CAP2: variants seen among roughly 807,000 people sequenced by gnomAD.
CAP2 encodes the protein cyclase associated actin cytoskeleton regulatory protein 2.
In CAP2, 24 loss-of-function variants were observed where a neutral mutation model predicts 57.7. The observed-to-expected ratio is 0.42, with a 90% CI of 0.30 to 0.58. The LOEUF is 0.58. Among genes scored for constraint, CAP2 ranks in the 20% least tolerant of loss-of-function variants. The pLI, the probability that CAP2 is intolerant of heterozygous loss-of-function variation, is 0.22. For synonymous variants in CAP2, 194 were observed against 207.2 expected (o/e 0.94, Z 0.55); for missense variants, 501 against 590.3 (o/e 0.85, Z 1.57).
At chr6:17,403,358 C>G (rs1758865333) in intron 1 of CAP2, among the ~76,000 whole-genome samples, 1 of 152,258 alleles carries the variant, frequency 6.6e-6, no homozygotes, top group Admixed American at 6.5e-5. Context: ...CTGCCTTGGC[C>G]TCCCAAAGTG....
At chr6:17,458,628 T>G (rs1334427532) in intron 3 of CAP2, among the ~76,000 whole-genome samples, 2 of 152,206 alleles carry the variant, frequency 1.3e-5, no homozygotes, top group Admixed American at 1.3e-4. Flanking sequence ...TTATCTGATA[T>G]TGACACGGGG....
At position 17,541,052 on chromosome 6, in the gene CAP2, C is replaced by T; in HGVS notation, c.906C>T (p.Pro302=). The change falls in exon 9 of 13, where the codon CCC becomes CCT. Residue 302 remains proline (P), a synonymous_variant. Transcript: ENST00000229922. ...CTCAAGGAGGGCAAACTCAATCTCC[C>T]ACCAAAAGTCACACTCCAAGTCCCA... The part of the protein sequence containing the change: ...LRAQGGQTQS[P]TKSHTPSPTS... The T allele has an allele frequency of 6.2e-7, 1 of 1,614,030 alleles. No homozygotes were observed. Among genetic ancestry groups the T allele is most frequent in the Non-Finnish European group, 8.5e-7 (1 of 1,179,914 alleles).
At chr6:17,430,619 A>G (rs1581511233) in intron 3 of CAP2, among the ~76,000 whole-genome samples, 1 of 151,430 alleles carries the variant, frequency 6.6e-6, no homozygotes, top group African/African-American at 2.4e-5. Context: ...GCTCACTGCA[A>G]CCTCCACCTC....
intron 3 of CAP2, among the ~76,000 whole-genome samples, chr6:17,461,872 A>G (rs1159319744): frequency 1.3e-5 from 2 of 151,258 alleles, no homozygotes; most frequent in African/African-American, 4.8e-5. Context: ...GGGCGCCTGT[A>G]GTCCCAGCTA....
At chr6:17,539,030 C>T (rs115110295) in intron 7 of CAP2, among the ~76,000 whole-genome samples, 10 of 152,268 alleles carry the variant, frequency 6.6e-5, no homozygotes, top group Admixed American at 3.3e-4. Context: ...GGCTCATTGC[C>T]GCACAGATCC....
At chr6:17,477,598 C>A (rs1168405370) in intron 4 of CAP2, among the ~76,000 whole-genome samples, 2 of 152,170 alleles carry the variant, frequency 1.3e-5, no homozygotes, top group Non-Finnish European at 2.9e-5. Flanking sequence ...GTAAGAGAAA[C>A]TCAAGGAGTC....
intron 11 of CAP2, among the ~76,000 whole-genome samples, chr6:17,546,930 C>A (rs1238370552): frequency 6.6e-6 from 1 of 152,146 alleles, no homozygotes; most frequent in Non-Finnish European, 1.5e-5. Context: ...ATCTAGGAAA[C>A]CCCATCGTCT....
At chr6:17,396,349 A>G (rs895520371) in intron 1 of CAP2, among the ~76,000 whole-genome samples, 3 of 152,238 alleles carry the variant, frequency 2.0e-5, no homozygotes, top group Non-Finnish European at 2.9e-5. Flanking sequence ...CTGTACACAG[A>G]TGTTGACAGC....
At chr6:17,444,707 G>C (rs1760201264) in intron 3 of CAP2, among the ~76,000 whole-genome samples, 8 of 147,308 alleles carry the variant, frequency 5.4e-5, no homozygotes, top group Admixed American at 5.4e-4. Flanking sequence ...GTGAAATATT[G>C]AGAAACATAG....
chr6:17,545,991 C>T (rs143720207), intron 11 of CAP2, among the ~76,000 whole-genome samples: 3,012 of 152,134 alleles, frequency 0.02, 96 homozygotes, highest in East Asian at 0.12. Context: ...CGAATAGTGC[C>T]GCAATAAACA....
At chr6:17,495,195 C>T (rs1185683192) in intron 4 of CAP2, among the ~76,000 whole-genome samples, 1 of 152,172 alleles carries the variant, frequency 6.6e-6, no homozygotes, top group Non-Finnish European at 1.5e-5. Flanking sequence ...CCCCTTGCCA[C>T]TTAAACAAAA....
At chr6:17,534,553 C>T (rs28496976) in intron 7 of CAP2, among the ~76,000 whole-genome samples, 19 of 152,162 alleles carry the variant, frequency 1.2e-4, no homozygotes, top group Admixed American at 4.6e-4. Flanking sequence ...CATCTGGGAG[C>T]GATCCTTTTG....
intron 4 of CAP2, among the ~76,000 whole-genome samples, chr6:17,477,355 T>G (rs533725618): frequency 3.5e-4 from 53 of 152,364 alleles, no homozygotes; most frequent in Non-Finnish European, 7.2e-4. Flanking sequence ...TGCACCTTTA[T>G]TTTGAGTCAG....
At chr6:17,416,455 A>T (rs1759277977) in intron 1 of CAP2, among the ~76,000 whole-genome samples, 1 of 152,224 alleles carries the variant, frequency 6.6e-6, no homozygotes, top group South Asian at 2.1e-4. Flanking sequence ...GCAAATAGTC[A>T]TAACTGTGTT....
chr6:17,513,835 C>T lies in CAP2; in HGVS notation c.531-14C>T, dbSNP rs1234211589. 1 of 1,576,412 alleles carries T rather than the reference C, an allele frequency of 6.3e-7. No homozygotes were observed. Among genetic ancestry groups the T allele is most frequent in the East Asian group, 2.2e-5 (1 of 44,704 alleles). On this transcript the variant is annotated splice_polypyrimidine_tract_variant and intron_variant, in intron 6 of 12. Transcript: ENST00000229922. The surrounding 1 kb of genome is among the most constrained non-coding windows in gnomAD (Gnocchi z 4.3). ...TCCTAACTCTGCTTTCTTCAACCCT[C>T]TTTCACAACAAAGTGATTTGCGTCA...
intron 1 of CAP2, among the ~76,000 whole-genome samples, chr6:17,418,876 CT>C (rs1004989608): frequency 4.6e-5 from 7 of 151,382 alleles, no homozygotes; most frequent in Admixed American, 1.3e-4. Context: ...TTTCTCTTTC[CT>C]TTTTTTTTCC....
At chr6:17,435,112 A>C (rs1759837503) in intron 3 of CAP2, among the ~76,000 whole-genome samples, 1 of 115,132 alleles carries the variant, frequency 8.7e-6, no homozygotes, top group South Asian at 3.4e-4. Context: ...CCATTGTGGA[A>C]GTCAGTGTGG....
intron 3 of CAP2, among the ~76,000 whole-genome samples, chr6:17,452,121 T>C (rs1376045988): frequency 6.6e-6 from 1 of 152,186 alleles, no homozygotes; most frequent in Non-Finnish European, 1.5e-5. Flanking sequence ...GTAGGGCAAG[T>C]GGCACCTGCC....
chr6:17,401,731 T>G (rs1406233410), intron 1 of CAP2, among the ~76,000 whole-genome samples: 1 of 152,224 alleles, frequency 6.6e-6, no homozygotes, highest in Non-Finnish European at 1.5e-5. Context: ...TTTTTAAGTT[T>G]ACATTTTTAT....
Sources: allele counts gnomAD v4.1 joint callset (sites outside exome capture counted in the v4.1 genomes callset), GRCh38; gene constraint gnomAD v4.1.1; non-coding constraint Gnocchi (gnomAD v3.1); transcripts MANE v1.5; gene names NCBI Gene and HGNC (gene_info 2026-07-23, HGNC 2026-07-21).